Variants in NFASC observed in about 807,000 individuals in gnomAD.
NFASC encodes the protein neurofascin.
A neutral mutation model predicts 147.5 loss-of-function variants in NFASC; 43 were observed. That is an observed-to-expected ratio of 0.29 (90% CI 0.23 to 0.38). NFASC has a LOEUF of 0.38. NFASC is among the 10% of genes least tolerant of loss of function. The pLI, the probability that NFASC is intolerant of heterozygous loss-of-function variation, is 1.00. For synonymous variants in NFASC, 622 were observed against 665.5 expected, an observed-to-expected ratio of 0.93 and a Z score of 1.01; for missense variants, 1,320 against 1,689.0, an observed-to-expected ratio of 0.78 and a Z score of 3.83.
rs768595388 is a variant in NFASC, at chr1:204,997,200, G to A, written c.2813G>A (p.Gly938Asp). 4 of 1,613,476 alleles carry A rather than the reference G, an allele frequency of 2.5e-6. No homozygotes were observed. The highest frequency in any genetic ancestry group is 2.7e-5 in the African/African-American group (2 of 74,976). Residue 938 changes from glycine (G) to aspartate (D), a missense_variant, in exon 25 of 30, where the codon GGT (glycine) becomes GAT (aspartate). Gly to Asp is a moderately conservative substitution (Grantham distance 94). Coordinates refer to ENST00000339876, the MANE Select transcript of NFASC (RefSeq NM_001005388.3). The part of the protein sequence containing the change: ...APPTLPPTTV[G>D]ATGAVSSTDA... ...CCCACATTGCCCCCGACTACCGTGG[G>A]TGCGACGGGCGCTGTGAGCAGTACC...
intron 1 of NFASC, among the ~76,000 whole-genome samples, chr1:204,873,861 G>A (rs1405709341): frequency 2.6e-5 from 4 of 152,144 alleles, no homozygotes; most frequent in South Asian, 2.1e-4. Context: ...GGTGGGGTAC[G>A]GGCTGTGTCT....
intron 8 of NFASC, chr1:204,962,043 C>A: frequency 7.9e-7 from 1 of 1,271,662 alleles, no homozygotes; most frequent in Non-Finnish European, 1.1e-6. Context: ...GTTTTCTCTC[C>A]CCGTTTATGC....
intron 1 of NFASC, among the ~76,000 whole-genome samples, chr1:204,895,136 CTT>C (rs1166226032): frequency 1.3e-5 from 2 of 152,204 alleles, no homozygotes; most frequent in Non-Finnish European, 2.9e-5. Flanking sequence ...TCCTACTACT[CTT>C]TTACACAAAC....
chr1:204,942,763 T>C (rs1372036552), intron 2 of NFASC, among the ~76,000 whole-genome samples: 1 of 152,102 alleles, frequency 6.6e-6, no homozygotes, highest in African/African-American at 2.4e-5. Context: ...AGGAGGCAAG[T>C]GGAGGAGTCC....
intron 3 of NFASC, chr1:204,946,820 C>T (rs887440259): frequency 2.8e-5 from 14 of 500,100 alleles, no homozygotes; most frequent in African/African-American, 1.4e-4. Flanking sequence ...TTTCGGCAGA[C>T]CCCACGGGGC....
At chr1:205,006,294 C>T (rs558942772) in intron 27 of NFASC, among the ~76,000 whole-genome samples, 56 of 152,154 alleles carry the variant, frequency 3.7e-4, no homozygotes, top group Non-Finnish European at 6.2e-4. Context: ...CCAAGTACTA[C>T]GAGGCTAAAA....
At chr1:204,885,347 C>T (rs758528251) in intron 1 of NFASC, among the ~76,000 whole-genome samples, 6 of 151,870 alleles carry the variant, frequency 4.0e-5, no homozygotes, top group Non-Finnish European at 7.4e-5. Context: ...GCCAGGAGCC[C>T]GGGGAATAGA....
chr1:204,989,632 A>G (rs1349017737), intron 23 of NFASC: 1 of 152,248 alleles, frequency 6.6e-6, no homozygotes, highest in Non-Finnish European at 1.5e-5. Flanking sequence ...CTCCAGAGAT[A>G]CAATGGTCTA....
At chr1:204,969,060 T>TG in intron 10 of NFASC, 78 bp downstream of exon 10, 1 of 1,368,236 alleles carries the variant, frequency 7.3e-7, no homozygotes, top group South Asian at 1.3e-5. Context: ...TGAGGGTGGT[T>TG]GGGGGCAGAG....
In NFASC at chr1:204,977,729, A is replaced by C; in HGVS notation, c.1876+4A>C. On this transcript the variant is annotated splice_donor_region_variant and intron_variant, in intron 17 of 29. Transcript: ENST00000339876. Reference sequence around the variant, plus strand: ...CGTTTGGCTGCCCTGCCCAAAGGTAATTCCCACTAATCACAGTCCCCTGCC... The same window carrying C: ...CGTTTGGCTGCCCTGCCCAAAGGTACTTCCCACTAATCACAGTCCCCTGCC... 1 of 1,608,080 alleles carries C rather than the reference A, an allele frequency of 6.2e-7. No homozygotes were observed. Among genetic ancestry groups the C allele is most frequent in the African/African-American group, 1.3e-5 (1 of 75,004 alleles).
At chr1:204,998,433 C>G (rs976868851) in intron 25 of NFASC, 3 of 152,270 alleles carry the variant, frequency 2.0e-5, no homozygotes, top group South Asian at 2.1e-4. Flanking sequence ...TTTCTCCCAC[C>G]CTGCTCCACT....
intron 1 of NFASC, among the ~76,000 whole-genome samples, chr1:204,834,046 G>A (rs1164295119): frequency 9.2e-5 from 14 of 152,126 alleles, no homozygotes; most frequent in Non-Finnish European, 8.8e-5. Context: ...GCAGAATTTG[G>A]ATATGCAAGA....
chr1:204,932,170 G>A (rs1157711967), intron 2 of NFASC, among the ~76,000 whole-genome samples: 2 of 152,078 alleles, frequency 1.3e-5, no homozygotes, highest in Non-Finnish European at 2.9e-5. Flanking sequence ...AAACATAAAG[G>A]TCTTGCTTTT....
At chr1:204,886,310 TAAA>T (rs1045113630) in intron 1 of NFASC, among the ~76,000 whole-genome samples, 12 of 152,152 alleles carry the variant, frequency 7.9e-5, no homozygotes, top group African/African-American at 2.9e-4. Flanking sequence ...TTATGATTTT[TAAA>T]AAAAATTAAT....
At chr1:204,874,035 T>C (rs2078241912) in intron 1 of NFASC, among the ~76,000 whole-genome samples, 1 of 152,206 alleles carries the variant, frequency 6.6e-6, no homozygotes, top group African/African-American at 2.4e-5. Context: ...AGTGTGATAT[T>C]AATAGCACCT....
At chr1:204,897,887 C>A (rs1236781949) in intron 1 of NFASC, among the ~76,000 whole-genome samples, 1 of 152,140 alleles carries the variant, frequency 6.6e-6, no homozygotes, top group African/African-American at 2.4e-5. Context: ...AGGTGCGTGC[C>A]ACCACGCCCA....
In NFASC at chr1:204,875,073, T is replaced by TTTGTTGTTGTTG. The variant is rs3046329; in HGVS notation, c.-199-45532_-199-45521dup. On this transcript the variant is annotated intron_variant, in intron 1 of 29. Coordinates refer to ENST00000339876, the MANE Select transcript of NFASC (RefSeq NM_001005388.3). ...AGTCAAGATTTGAGTGTGGGTCTGC[T>TTTGTTGTTGTTG]TTGTTGTTGTTGTTGTTGTTGTTGT... Among the ~76,000 whole-genome samples the TTTGTTGTTGTTG allele has an allele frequency of 5.6e-3, 843 of 150,848 alleles. 3 individuals carry two copies. Among genetic ancestry groups the TTTGTTGTTGTTG allele is most frequent in the Middle Eastern group, 0.01 (3 of 292 alleles).
Position 205,009,212 on chromosome 1 carries a change from A to T in NFASC, c.3290-345A>T, listed in dbSNP as rs573934916. 2.9e-4 allele frequency: 115 copies of T among 395,044 alleles called. 3 individuals are homozygous for T. The highest frequency in any genetic ancestry group is 2.1e-3 in the South Asian group (97 of 45,772). 24.5% of individuals were successfully genotyped at this position (395,044 alleles called of 1,614,324 possible). ...ATACTTCCATGGCCAATCCGTGGCCATCCCTCAGTCCCCATTAGGCTGTGA... is the reference window on the plus strand; with the variant it reads ...ATACTTCCATGGCCAATCCGTGGCCTTCCCTCAGTCCCCATTAGGCTGTGA... On this transcript the variant is annotated intron_variant, in intron 27 of 29. Coordinates refer to ENST00000339876, the MANE Select transcript of NFASC (RefSeq NM_001005388.3).
intron 1 of NFASC, among the ~76,000 whole-genome samples, chr1:204,891,932 C>G (rs1337773645): frequency 2.0e-5 from 3 of 152,188 alleles, no homozygotes; most frequent in Non-Finnish European, 2.9e-5. Context: ...AAACCTAGTA[C>G]CATAATCTTC....
Sources: gnomAD v4.1 joint callset for allele counts (sites outside exome capture counted in the v4.1 genomes callset) on GRCh38, gnomAD v4.1.1 for gene constraint, MANE v1.5 for transcripts, NCBI Gene and HGNC (gene_info 2026-07-23, HGNC 2026-07-21) for gene names.